The following CDYL2 variants were observed in gnomAD, a reference collection of about 807,000 sequenced individuals.
The protein encoded by CDYL2 is chromodomain Y-like protein 2.
CDYL2 carries 23 observed loss-of-function variants against 49.4 expected under a neutral mutation model. The ratio of observed to expected loss-of-function variants is 0.47; its 90% confidence interval spans 0.34 to 0.66. The LOEUF is 0.66. Ranked by LOEUF, CDYL2 falls within the 30% of genes least tolerant of loss-of-function variation. CDYL2 has a pLI of 0.01. For synonymous variants in CDYL2, 360 were observed against 268.8 expected, an observed-to-expected ratio of 1.34 and a Z score of -3.32; for missense variants, 678 against 656.4, an observed-to-expected ratio of 1.03 and a Z score of -0.36.
At chr16:80,779,579 T>A (rs1054580386) in intron 1 of CDYL2, among the ~76,000 whole-genome samples, 1 of 152,170 alleles carries the variant, frequency 6.6e-6, no homozygotes, top group Admixed American at 6.5e-5. Flanking sequence ...ATACCCCTGT[T>A]TAAAATACTG....
intron 2 of CDYL2, among the ~76,000 whole-genome samples, chr16:80,660,143 C>T (rs1487460648): frequency 6.6e-6 from 1 of 151,706 alleles, no homozygotes. Flanking sequence ...TGTTCTAACA[C>T]CAAGAAAATT....
At position 80,652,776 on chromosome 16, in the gene CDYL2, AC is replaced by A. The variant is rs545364166; in HGVS notation, c.617-19541del. Among the ~76,000 whole-genome samples the A allele has an allele frequency of 1.2e-4, 18 of 152,140 alleles. No individual in the cohort carries two copies. In the South Asian group the frequency reaches 3.5e-3, roughly 30 times the overall value. ...CCCTCTGGGGTCCCTCCTCCCAAAAACTCACAACACCACTCTAATCATGAGA... is the reference window on the plus strand; with the variant it reads ...CCCTCTGGGGTCCCTCCTCCCAAAAATCACAACACCACTCTAATCATGAGA... On this transcript the variant is annotated intron_variant, in intron 2 of 6. Coordinates refer to ENST00000570137, the MANE Select transcript of CDYL2 (RefSeq NM_152342.4).
intron 1 of CDYL2, among the ~76,000 whole-genome samples, chr16:80,768,841 G>C (rs531408007): frequency 6.6e-6 from 1 of 152,138 alleles, no homozygotes. Context: ...CTTCATATTT[G>C]TAAAAGATGC....
At chr16:80,699,627 A>G (rs1294060768) in intron 1 of CDYL2, among the ~76,000 whole-genome samples, 1 of 152,238 alleles carries the variant, frequency 6.6e-6, no homozygotes, top group African/African-American at 2.4e-5. Flanking sequence ...TAGTTAACAA[A>G]ATTTTATTGT....
At chr16:80,783,833 T>C (rs1008628454) in intron 1 of CDYL2, among the ~76,000 whole-genome samples, 2 of 152,142 alleles carry the variant, frequency 1.3e-5, no homozygotes, top group Non-Finnish European at 2.9e-5. Flanking sequence ...TCCATTTGTA[T>C]GAAATATACA....
At chr16:80,614,128 C>G (rs1906721033) in intron 4 of CDYL2, among the ~76,000 whole-genome samples, 1 of 152,256 alleles carries the variant, frequency 6.6e-6, no homozygotes, top group Non-Finnish European at 1.5e-5. Context: ...CAGTAAACAG[C>G]TGTTGAGCAA....
chr16:80,790,262 C>T (rs913947289), intron 1 of CDYL2, among the ~76,000 whole-genome samples: 2 of 152,188 alleles, frequency 1.3e-5, no homozygotes, highest in Admixed American at 6.5e-5. Flanking sequence ...ATACCATAGA[C>T]GTGGCTACAC....
intron 1 of CDYL2, among the ~76,000 whole-genome samples, chr16:80,720,811 A>T (rs1018562299): frequency 1.3e-5 from 2 of 152,142 alleles, no homozygotes; most frequent in African/African-American, 4.8e-5. Flanking sequence ...ACCACTTGTA[A>T]TGTTGTTTCT....
At chr16:80,747,672 C>G (rs1431317974) in intron 1 of CDYL2, among the ~76,000 whole-genome samples, 3 of 152,088 alleles carry the variant, frequency 2.0e-5, no homozygotes, top group Non-Finnish European at 4.4e-5. Flanking sequence ...GCCAGAGAAG[C>G]AAGTACCAGA....
chr16:80,786,491 T>C (rs963534902), intron 1 of CDYL2, among the ~76,000 whole-genome samples: 9 of 152,096 alleles, frequency 5.9e-5, no homozygotes, highest in Admixed American at 4.6e-4. Context: ...TGTGGAAAAA[T>C]AGGAACGCTT....
intron 1 of CDYL2, among the ~76,000 whole-genome samples, chr16:80,781,039 G>T (rs1907247519): frequency 6.6e-6 from 1 of 152,116 alleles, no homozygotes; most frequent in Non-Finnish European, 1.5e-5. Flanking sequence ...GTTACCTGTG[G>T]TAAAGCCCAG....
At chr16:80,780,379 G>T (rs1284593263) in intron 1 of CDYL2, among the ~76,000 whole-genome samples, 1 of 143,922 alleles carries the variant, frequency 6.9e-6, no homozygotes, top group Non-Finnish European at 1.5e-5. Flanking sequence ...TGAGGAAAAT[G>T]ATACAGATGC....
intron 5 of CDYL2, among the ~76,000 whole-genome samples, chr16:80,609,107 C>T (rs1412105611): frequency 6.6e-6 from 1 of 152,122 alleles, no homozygotes; most frequent in Non-Finnish European, 1.5e-5. Flanking sequence ...TATCTCTGTA[C>T]CACACTCCCC....
intron 1 of CDYL2, among the ~76,000 whole-genome samples, chr16:80,749,119 G>A (rs1906040727): frequency 6.6e-6 from 1 of 151,630 alleles, no homozygotes; most frequent in Admixed American, 6.6e-5. Context: ...TTAAGAGTGG[G>A]GAATGATTAT....
At chr16:80,626,751 T>C (rs770231749) in intron 3 of CDYL2, among the ~76,000 whole-genome samples, 4 of 152,206 alleles carry the variant, frequency 2.6e-5, no homozygotes, top group African/African-American at 4.8e-5. Flanking sequence ...TCACGGTGTA[T>C]GGAAGTTAGG....
At chr16:80,664,176 G>C (rs551746397) in intron 2 of CDYL2, among the ~76,000 whole-genome samples, 1 of 152,076 alleles carries the variant, frequency 6.6e-6, no homozygotes, top group African/African-American at 2.4e-5. Context: ...GCCTCATCCT[G>C]TTTTCTGGCC....
At position 80,765,015 on chromosome 16, in the gene CDYL2, G is replaced by A. The variant is rs562496327; in HGVS notation, c.24+39135C>T. On this transcript the variant is annotated intron_variant, in intron 1 of 6. Transcript: ENST00000570137. ...GCGGAGCTTGCAGTGAGCCGAGATCGCGCCACTGCACTCCAGCCTGGGTGA... is the reference window on the plus strand; with the variant it reads ...GCGGAGCTTGCAGTGAGCCGAGATCACGCCACTGCACTCCAGCCTGGGTGA... Among the ~76,000 whole-genome samples, 307 of 144,782 alleles carry A rather than the reference G, an allele frequency of 2.1e-3. 1 individual carries two copies. Among genetic ancestry groups the A allele is most frequent in the Middle Eastern group, 3.7e-3 (1 of 270 alleles). 95.0% of individuals were successfully genotyped at this position (144,782 alleles called of 152,430 possible). A position where few individuals can be genotyped will look rare whatever the true frequency, so the allele number is the denominator to read the frequency against.
intron 2 of CDYL2, among the ~76,000 whole-genome samples, chr16:80,664,770 T>C (rs1008793870): frequency 6.6e-6 from 1 of 152,104 alleles, no homozygotes; most frequent in Admixed American, 6.6e-5. Context: ...AGCCACCTAC[T>C]GACTAATAGA....
chr16:80,762,331 C>T (rs1226366136), intron 1 of CDYL2, among the ~76,000 whole-genome samples: 1 of 152,042 alleles, frequency 6.6e-6, no homozygotes, highest in Non-Finnish European at 1.5e-5. Flanking sequence ...GAAGAAAGAA[C>T]GTAAGAAAGC....
Sources: gnomAD v4.1 joint callset for allele counts (sites outside exome capture counted in the v4.1 genomes callset) on GRCh38, gnomAD v4.1.1 for gene constraint, MANE v1.5 for transcripts, NCBI Gene and HGNC (gene_info 2026-07-23, HGNC 2026-07-21) for gene names.